Variants in WAC observed in about 807,000 individuals in gnomAD.
WAC encodes the protein WW domain containing adaptor with coiled-coil.
In WAC, 11 loss-of-function variants were observed where a neutral mutation model predicts 79.6. That is an observed-to-expected ratio of 0.14 (90% CI 0.09 to 0.23). WAC has a LOEUF of 0.23. Ranked by LOEUF, WAC falls within the 10% of genes least tolerant of loss-of-function variation. WAC has a pLI of 1.00. For missense variants in WAC, 728 were observed against 773.5 expected (o/e 0.94, Z 0.70); for synonymous variants, 304 against 276.9 (o/e 1.10, Z -0.97).
chr10:28,619,478 G>C (rs1032136986), intron 13 of WAC, 59 bp from the exon 14 acceptor site: 2 of 1,266,894 alleles, frequency 1.6e-6, no homozygotes, highest in African/African-American at 3.2e-5. Context: ...ATAAAAGCTC[G>C]GGTTTTCTGT....
chr10:28,588,182 A>G (rs950153586), intron 4 of WAC, among the ~76,000 whole-genome samples: 2 of 152,166 alleles, frequency 1.3e-5, no homozygotes, highest in East Asian at 3.9e-4. Flanking sequence ...GATCAGTTGC[A>G]TAATAATTTA....
chr10:28,578,818 T>C (rs1839381374), intron 3 of WAC, among the ~76,000 whole-genome samples: 1 of 152,270 alleles, frequency 6.6e-6, no homozygotes, highest in East Asian at 1.9e-4. Context: ...ATACTGAAGA[T>C]TTTGTCAGGG....
At chr10:28,533,925 C>T (rs971434449) in intron 1 of WAC, 73 bp from the exon 2 acceptor site, 5 of 1,549,934 alleles carry the variant, frequency 3.2e-6, no homozygotes, top group Admixed American at 1.8e-5. Flanking sequence ...GCGGCGGGGG[C>T]CCCGTTTTCT....
chr10:28,616,041 A>T, intron 11 of WAC, 132 bp from the exon 12 acceptor site: 1 of 723,604 alleles, frequency 1.4e-6, no homozygotes, highest in Non-Finnish European at 2.1e-6. Flanking sequence ...TTTATTTGAC[A>T]TTAAAATAAC....
intron 3 of WAC, among the ~76,000 whole-genome samples, chr10:28,546,034 CTT>C (rs1321524889): frequency 6.6e-6 from 1 of 152,146 alleles, no homozygotes; most frequent in African/African-American, 2.4e-5. Context: ...AAAGTTTACT[CTT>C]AGGAGTATTT....
At chr10:28,609,929 T>C (rs972166073) in intron 8 of WAC, among the ~76,000 whole-genome samples, 2 of 148,346 alleles carry the variant, frequency 1.3e-5, no homozygotes, top group Admixed American at 1.3e-4. Context: ...CTAAATACTT[T>C]TTTTTTTTTT....
chr10:28,580,051 A>G (rs1005882242), intron 3 of WAC, among the ~76,000 whole-genome samples: 2 of 152,202 alleles, frequency 1.3e-5, no homozygotes, highest in Non-Finnish European at 2.9e-5. Flanking sequence ...TTTGATAAGC[A>G]GTCTAAGTAA....
intron 3 of WAC, among the ~76,000 whole-genome samples, chr10:28,574,277 A>G (rs185812580): frequency 6.6e-6 from 1 of 152,032 alleles, no homozygotes; most frequent in East Asian, 1.9e-4. Context: ...CCTCCCAAGT[A>G]GCTGGGATTA....
chr10:28,620,455 G>C lies in WAC; in HGVS notation c.*849G>C, dbSNP rs1439773959. The C allele has an allele frequency of 6.6e-6, 1 of 152,662 alleles. No homozygotes were observed. The highest frequency in any genetic ancestry group is 1.5e-5 in the Non-Finnish European group (1 of 68,028). The allele number at this position is 152,662 out of a possible 1,614,324, so 9.5% of individuals were successfully genotyped here. On this transcript the variant is annotated 3_prime_UTR_variant, in exon 14 of 14. Transcript: ENST00000354911. ...CTCAAATATAAGGAAATGGCCCAATGAACGTGGTTGTGGGAGGGGAAAGAG... is the reference window on the plus strand; with the variant it reads ...CTCAAATATAAGGAAATGGCCCAATCAACGTGGTTGTGGGAGGGGAAAGAG...
intron 3 of WAC, among the ~76,000 whole-genome samples, chr10:28,552,433 ATTCT>A (rs1837730365): frequency 6.6e-6 from 1 of 152,078 alleles, no homozygotes; most frequent in Non-Finnish European, 1.5e-5. Flanking sequence ...TTCTATTGTA[ATTCT>A]TTCAATATCA....
chr10:28,611,066 A>G, intron 9 of WAC: 1 of 568,744 alleles, frequency 1.8e-6, no homozygotes, highest in South Asian at 2.2e-5. Flanking sequence ...GTAATTATTT[A>G]AGACAGTATT....
intron 7 of WAC, among the ~76,000 whole-genome samples, chr10:28,602,608 A>G (rs1840696634): frequency 6.6e-6 from 1 of 152,210 alleles, no homozygotes; most frequent in Admixed American, 6.5e-5. Context: ...ACAGGAAAGT[A>G]ATGATTAGAA....
chr10:28,564,302 G>T (rs552438125), intron 3 of WAC, among the ~76,000 whole-genome samples: 1 of 152,232 alleles, frequency 6.6e-6, no homozygotes, highest in Non-Finnish European at 1.5e-5. Flanking sequence ...AGAACAATGG[G>T]AAGGGAAAAT....
At chr10:28,577,202 A>G (rs763633570) in intron 3 of WAC, among the ~76,000 whole-genome samples, 1 of 152,170 alleles carries the variant, frequency 6.6e-6, no homozygotes, top group East Asian at 1.9e-4. Flanking sequence ...GCAGAATGAT[A>G]TTATTATAAA....
chr10:28,584,442 A>C (rs933774950), intron 4 of WAC, among the ~76,000 whole-genome samples: 9 of 152,226 alleles, frequency 5.9e-5, no homozygotes, highest in Admixed American at 4.6e-4. Flanking sequence ...ATATCATAAG[A>C]AGCTCTATGT....
intron 12 of WAC, among the ~76,000 whole-genome samples, chr10:28,616,982 C>CT (rs112052494): frequency 5.3e-5 from 8 of 152,230 alleles, no homozygotes; most frequent in African/African-American, 1.7e-4. Context: ...ACTCGGGAGC[C>CT]TGAGGCACCA....
intron 3 of WAC, among the ~76,000 whole-genome samples, chr10:28,568,090 G>C (rs1318162083): frequency 1.3e-5 from 2 of 152,176 alleles, no homozygotes; most frequent in Non-Finnish European, 2.9e-5. Flanking sequence ...ACGGTTTGTT[G>C]AGTTATGACT....
intron 3 of WAC, among the ~76,000 whole-genome samples, chr10:28,562,919 C>G (rs1474933628): frequency 2.0e-5 from 3 of 151,742 alleles, no homozygotes; most frequent in Non-Finnish European, 4.4e-5. Context: ...CAAAGATTTT[C>G]TTGAAAAATA....
At chr10:28,542,914 T>C (rs566160815) in intron 3 of WAC, among the ~76,000 whole-genome samples, 1 of 152,388 alleles carries the variant, frequency 6.6e-6, no homozygotes, top group Non-Finnish European at 1.5e-5. Flanking sequence ...TTTTGTGGAA[T>C]ATAAGCTCCA....
Sources: allele counts gnomAD v4.1 joint callset (sites outside exome capture counted in the v4.1 genomes callset), GRCh38; gene constraint gnomAD v4.1.1; transcripts MANE v1.5; gene names NCBI Gene and HGNC (gene_info 2026-07-23, HGNC 2026-07-21).